Variants in B4GALNT3 observed in about 807,000 individuals in gnomAD.
The protein encoded by B4GALNT3 is beta-1,4-N-acetyl-galactosaminyltransferase 3.
B4GALNT3 carries 86 observed loss-of-function variants against 120.2 expected under a neutral mutation model. The ratio of observed to expected loss-of-function variants is 0.72; its 90% CI spans 0.60 to 0.86. The LOEUF (loss-of-function observed/expected upper bound fraction) is 0.86. B4GALNT3 is among the 40% of genes least tolerant of loss of function. The probability of loss-of-function intolerance (pLI) is 0.00; values close to 1 mark genes in which losing one functional copy is unlikely to be tolerated. For missense variants in B4GALNT3, 1,167 were observed against 1,298.9 expected (o/e 0.90, Z 1.56); for synonymous variants, 518 against 510.4 (o/e 1.01, Z -0.20).
At chr12:500,865 C>CTATTTTTTTTTTTTTTTTTTTTTTTT (rs1946433127) in intron 1 of B4GALNT3, among the ~76,000 whole-genome samples, 1 of 61,830 alleles carries the variant, frequency 1.6e-5, no homozygotes, top group African/African-American at 7.5e-5. Context: ...GGCTCCACTG[C>CTATTTTTTTTTTTTTTTTTTTTTTTT]TTTTTTTTTT....
rs536555178 is a variant in B4GALNT3 at position 544,571 on chromosome 12, A to G, written c.447+137A>G. The G allele has an allele frequency of 4.2e-5, 33 of 793,494 alleles. No individual in the cohort carries two copies. In the African/African-American group the frequency reaches 4.7e-4, roughly 11 times the overall value. 49.2% of individuals were successfully genotyped at this position (793,494 alleles called of 1,614,324 possible). On this transcript the variant is annotated intron_variant, in intron 4 of 19. Transcript: ENST00000266383. Reference sequence around the variant, plus strand: ...TCTTGAGCTCTCTTTTTGTCTGCCCATAATAGTTCCCTTGTTTCCTTCCTA... The same window carrying G: ...TCTTGAGCTCTCTTTTTGTCTGCCCGTAATAGTTCCCTTGTTTCCTTCCTA...
intron 1 of B4GALNT3, among the ~76,000 whole-genome samples, chr12:527,631 G>A (rs1946769296): frequency 7.7e-6 from 1 of 130,100 alleles, no homozygotes; most frequent in Non-Finnish European, 1.6e-5. Context: ...CCTTTCTGCG[G>A]CTCCTCACTT....
chr12:494,060 A>G (rs931654138), intron 1 of B4GALNT3, among the ~76,000 whole-genome samples: 1 of 152,146 alleles, frequency 6.6e-6, no homozygotes, highest in Non-Finnish European at 1.5e-5. Context: ...CCTTGAGCCC[A>G]GGAGTTTGAG....
intron 1 of B4GALNT3, among the ~76,000 whole-genome samples, chr12:507,590 T>G (rs1461467405): frequency 6.6e-6 from 1 of 152,200 alleles, no homozygotes; most frequent in Non-Finnish European, 1.5e-5. Flanking sequence ...CCCTCCACCC[T>G]ACATCCCTCA....
chr12:522,267 G>A (rs11063395), intron 1 of B4GALNT3, among the ~76,000 whole-genome samples: 26,308 of 152,170 alleles, frequency 0.17, 2,708 homozygotes, highest in African/African-American at 0.27. Context: ...CAGCCCAAGT[G>A]TCTAAGACAG....
At chr12:470,833 G>T (rs1946129146) in intron 1 of B4GALNT3, among the ~76,000 whole-genome samples, 1 of 152,042 alleles carries the variant, frequency 6.6e-6, no homozygotes. Context: ...ACGTCCCCCA[G>T]GTTCAAGACA....
chr12:507,077 G>A (rs1423078283), intron 1 of B4GALNT3, among the ~76,000 whole-genome samples: 1 of 152,172 alleles, frequency 6.6e-6, no homozygotes, highest in Non-Finnish European at 1.5e-5. Flanking sequence ...CGGTACATTT[G>A]TCATGATTAA....
intron 1 of B4GALNT3, among the ~76,000 whole-genome samples, chr12:492,016 G>A (rs1004002293): frequency 7.5e-5 from 11 of 146,762 alleles, no homozygotes; most frequent in African/African-American, 2.5e-4. Flanking sequence ...GGAGATCATG[G>A]CACTGCACTC....
intron 1 of B4GALNT3, among the ~76,000 whole-genome samples, chr12:480,775 T>G: frequency 6.6e-6 from 1 of 151,846 alleles, no homozygotes; most frequent in Non-Finnish European, 1.5e-5. Flanking sequence ...ATTGCATGGG[T>G]CATGGACGAT....
At chr12:558,156 G>A (rs1455792215) in intron 17 of B4GALNT3, 68 bp downstream of exon 17, 2 of 1,539,594 alleles carry the variant, frequency 1.3e-6, no homozygotes, top group Non-Finnish European at 1.8e-6. Context: ...AGACATTTGG[G>A]GTAAATGAGG....
intron 6 of B4GALNT3, among the ~76,000 whole-genome samples, chr12:546,363 G>T (rs897429199): frequency 2.6e-5 from 4 of 151,920 alleles, no homozygotes; most frequent in Admixed American, 1.3e-4. Context: ...GGGACACCCA[G>T]CGCAGCATCT....
chr12:538,906 T>TAC (rs1339580960), intron 3 of B4GALNT3, among the ~76,000 whole-genome samples: 2 of 152,196 alleles, frequency 1.3e-5, no homozygotes, highest in Non-Finnish European at 2.9e-5. Flanking sequence ...AGGTTAATAA[T>TAC]ACACATCGTT....
Position 548,013 on chromosome 12 carries a change from T to TCTCC in B4GALNT3, c.708-9_708-6dup, listed in dbSNP as rs1436808753. 4 of 1,613,430 alleles carry TCTCC rather than the reference T, an allele frequency of 2.5e-6. No individual in the cohort carries two copies. In the East Asian group the frequency reaches 8.9e-5, roughly 36 times the overall value. On this transcript the variant is annotated splice_polypyrimidine_tract_variant and intron_variant, in intron 7 of 19. Coordinates refer to ENST00000266383, the MANE Select transcript of B4GALNT3 (RefSeq NM_173593.4). The surrounding 1 kb of genome is among the most constrained non-coding windows in gnomAD (Gnocchi z 4.9). ...GATGGCGCTCTGCTTCCCTGCCCTCTCTCCCGCCAGCCTGTCAGCCTCCCA... is the reference window on the plus strand; with the variant it reads ...GATGGCGCTCTGCTTCCCTGCCCTCTCTCCCTCCCGCCAGCCTGTCAGCCTCCCA...
At chr12:506,081 T>TC (rs1334204368) in intron 1 of B4GALNT3, among the ~76,000 whole-genome samples, 1 of 151,302 alleles carries the variant, frequency 6.6e-6, no homozygotes, top group East Asian at 1.9e-4. Context: ...TATAGGTATG[T>TC]CCCTGAAACA....
At chr12:547,453 C>A (rs987904803) in intron 7 of B4GALNT3, among the ~76,000 whole-genome samples, 2 of 152,070 alleles carry the variant, frequency 1.3e-5, no homozygotes, top group African/African-American at 4.8e-5. Context: ...CGTGTGCACC[C>A]CATAAATATG....
chr12:520,022 A>T (rs947624911), intron 1 of B4GALNT3, among the ~76,000 whole-genome samples: 3 of 152,134 alleles, frequency 2.0e-5, no homozygotes, highest in Non-Finnish European at 4.4e-5. Context: ...TCTCCACTTC[A>T]TACTTCACTG....
At chr12:476,275 CAT>C (rs1308583139) in intron 1 of B4GALNT3, among the ~76,000 whole-genome samples, 6 of 152,118 alleles carry the variant, frequency 3.9e-5, no homozygotes, top group African/African-American at 1.4e-4. Flanking sequence ...GTTTCTAATA[CAT>C]AGTGTTTGAT....
At chr12:535,798 G>A (rs979816155) in intron 2 of B4GALNT3, among the ~76,000 whole-genome samples, 2 of 152,224 alleles carry the variant, frequency 1.3e-5, no homozygotes, top group Non-Finnish European at 2.9e-5. Context: ...CCCCAAGGCT[G>A]AGCCTAGAAC....
intron 1 of B4GALNT3, among the ~76,000 whole-genome samples, chr12:494,600 G>A (rs1402470360): frequency 6.6e-6 from 1 of 152,142 alleles, no homozygotes; most frequent in African/African-American, 2.4e-5. Flanking sequence ...AACTTGTATG[G>A]CTTCGGAGAA....
Sources: allele counts gnomAD v4.1 joint callset (sites outside exome capture counted in the v4.1 genomes callset), GRCh38; gene constraint gnomAD v4.1.1; non-coding constraint Gnocchi (gnomAD v3.1); transcripts MANE v1.5; gene names NCBI Gene and HGNC (gene_info 2026-07-23, HGNC 2026-07-21).